The following RARB variants were observed in gnomAD, a reference collection of about 807,000 sequenced individuals.
The protein encoded by RARB is retinoic acid receptor beta.
Under a neutral mutation model 51.9 loss-of-function variants are expected in RARB, and 17 were observed. That is an observed-to-expected ratio of 0.33 (90% CI 0.22 to 0.49). The LOEUF (loss-of-function observed/expected upper bound fraction) is 0.49. RARB is among the 20% of genes least tolerant of loss of function. The pLI is 0.99. For missense variants in RARB, 369 were observed against 550.8 expected (o/e 0.67, Z 3.30); for synonymous variants, 215 against 195.4 (o/e 1.10, Z -0.84).
At chr3:25,069,472 C>T (rs1418862504) in intron 3 of RARB, among the ~76,000 whole-genome samples, 3 of 152,150 alleles carry the variant, frequency 2.0e-5, no homozygotes, top group Admixed American at 6.5e-5. Context: ...TCATTCCACC[C>T]AAGCAAGGAA....
chr3:25,059,228 T>C (rs1698500338), intron 2 of RARB, among the ~76,000 whole-genome samples: 1 of 151,812 alleles, frequency 6.6e-6, no homozygotes, highest in Admixed American at 6.6e-5. Context: ...AGCCACTATT[T>C]ATGTACATTC....
At chr3:25,269,761 G>A (rs1455362049) in intron 5 of RARB, among the ~76,000 whole-genome samples, 1 of 152,082 alleles carries the variant, frequency 6.6e-6, no homozygotes, top group East Asian at 1.9e-4. Flanking sequence ...AACAAAATGT[G>A]TATATTTATA....
intron 1 of RARB, among the ~76,000 whole-genome samples, chr3:24,857,921 C>A (rs1319618894): frequency 6.6e-6 from 1 of 152,158 alleles, no homozygotes; most frequent in African/African-American, 2.4e-5. Flanking sequence ...GCAGCAAGTT[C>A]CTGTCTCCCC....
At chr3:25,485,013 A>G (rs1696392947) in intron 2 of RARB, among the ~76,000 whole-genome samples, 2 of 152,228 alleles carry the variant, frequency 1.3e-5, no homozygotes, top group Admixed American at 6.5e-5. Flanking sequence ...TTACTAATGT[A>G]AATAATTTTG....
chr3:25,253,041 C>T (rs557873593), intron 5 of RARB, among the ~76,000 whole-genome samples: 1 of 152,310 alleles, frequency 6.6e-6, no homozygotes, highest in Admixed American at 6.5e-5. Context: ...GAACTGTCTT[C>T]ATAGGCACTA....
In RARB at chr3:25,320,313, T is replaced by A. The variant is rs190549964; in HGVS notation, c.179-140880T>A. Reference sequence around the variant, plus strand: ...TATTATAGTAAATTTAAATGGCTCATAATGTCTTATCACCACCCCATAAGA... The same window carrying A: ...TATTATAGTAAATTTAAATGGCTCAAAATGTCTTATCACCACCCCATAAGA... On this transcript the variant is annotated intron_variant, in intron 5 of 11. Transcript: ENST00000383772. Among the ~76,000 whole-genome samples the A allele has an allele frequency of 8.5e-5, 13 of 152,356 alleles. No individual in the cohort carries two copies. The East Asian group carries it at 2.5e-3, about 29-fold the overall frequency.
intron 3 of RARB, among the ~76,000 whole-genome samples, chr3:25,120,357 G>A (rs554124144): frequency 6.6e-6 from 1 of 152,118 alleles, no homozygotes; most frequent in African/African-American, 2.4e-5. Context: ...TTACCATAAG[G>A]GAAGGTAGGT....
At chr3:25,250,049 A>G (rs1413153024) in intron 5 of RARB, among the ~76,000 whole-genome samples, 1 of 152,062 alleles carries the variant, frequency 6.6e-6, no homozygotes, top group Non-Finnish European at 1.5e-5. Flanking sequence ...TAGCAGTGGT[A>G]GGACAACCCT....
intron 4 of RARB, among the ~76,000 whole-genome samples, chr3:25,572,365 A>G (rs926207600): frequency 6.6e-6 from 1 of 152,240 alleles, no homozygotes; most frequent in Non-Finnish European, 1.5e-5. Context: ...CATGCTAAGT[A>G]CTATAAGTAT....
chr3:24,951,701 G>A (rs562949005), intron 2 of RARB, among the ~76,000 whole-genome samples: 2 of 152,184 alleles, frequency 1.3e-5, no homozygotes, highest in Non-Finnish European at 2.9e-5. Flanking sequence ...AAATCATTTA[G>A]TTGATAGGAA....
chr3:25,053,856 C>A (rs1318316671), intron 2 of RARB, among the ~76,000 whole-genome samples: 1 of 152,136 alleles, frequency 6.6e-6, no homozygotes, highest in Non-Finnish European at 1.5e-5. Context: ...AGAATCTGAC[C>A]TCAAATGCAG....
chr3:25,167,218 G>A (rs2125349570), intron 4 of RARB, among the ~76,000 whole-genome samples: 1 of 152,296 alleles, frequency 6.6e-6, no homozygotes, highest in East Asian at 1.9e-4. Context: ...TTTGACCACA[G>A]AGCTCTAGTT....
At chr3:25,122,525 G>C (rs1699800156) in intron 3 of RARB, among the ~76,000 whole-genome samples, 1 of 152,100 alleles carries the variant, frequency 6.6e-6, no homozygotes. Flanking sequence ...CATGGTTAAG[G>C]CTGGCTTGTG....
intron 4 of RARB, among the ~76,000 whole-genome samples, chr3:25,161,347 G>C (rs994335038): frequency 1.3e-5 from 2 of 151,938 alleles, no homozygotes; most frequent in African/African-American, 4.8e-5. Flanking sequence ...ACGCCTGGCT[G>C]ATGTCAAGAT....
At position 25,102,872 on chromosome 3, in the gene RARB, T is replaced by C. The variant is rs149160144; in HGVS notation, c.-327-29289T>C. On this transcript the variant is annotated intron_variant, in intron 3 of 11. Coordinates refer to the RARB transcript ENST00000383772. ...TTTGAGGCCAGCCTGGCCAACATGG[T>C]AAAACCCCATCTCTACTAAAAATAC... Among the ~76,000 whole-genome samples, 672 of 152,170 alleles carry C rather than the reference T, an allele frequency of 4.4e-3. 18 individuals are homozygous for C. In the East Asian group the frequency reaches 0.066, roughly 15 times the overall value.
At chr3:25,194,267 G>A (rs1330463821) in intron 5 of RARB, among the ~76,000 whole-genome samples, 2 of 151,546 alleles carry the variant, frequency 1.3e-5, no homozygotes, top group East Asian at 1.9e-4. Flanking sequence ...GTCAGAGAAG[G>A]CAGACTTGTA....
chr3:24,891,981 T>C (rs1703388645), intron 2 of RARB, among the ~76,000 whole-genome samples: 1 of 152,094 alleles, frequency 6.6e-6, no homozygotes, highest in South Asian at 2.1e-4. Context: ...ATGGTTGGCA[T>C]GTGAGACTAG....
At chr3:24,936,987 C>T (rs1410474436) in intron 2 of RARB, among the ~76,000 whole-genome samples, 1 of 152,138 alleles carries the variant, frequency 6.6e-6, no homozygotes, top group South Asian at 2.1e-4. Flanking sequence ...GTCTTCAGTG[C>T]CAGTCATATA....
At chr3:25,337,756 C>A (rs899215016) in intron 5 of RARB, among the ~76,000 whole-genome samples, 6 of 152,110 alleles carry the variant, frequency 3.9e-5, no homozygotes, top group African/African-American at 1.2e-4. Flanking sequence ...AGCACTATTA[C>A]CTGAAATTAT....
Sources: gnomAD v4.1 joint callset for allele counts (sites outside exome capture counted in the v4.1 genomes callset) on GRCh38, gnomAD v4.1.1 for gene constraint, MANE v1.5 for transcripts, NCBI Gene and HGNC (gene_info 2026-07-23, HGNC 2026-07-21) for gene names.